XPNPEP1: variants seen among roughly 807,000 people sequenced by gnomAD.
XPNPEP1 encodes the protein xaa-Pro aminopeptidase 1.
In XPNPEP1, 39 loss-of-function variants were observed where a neutral mutation model predicts 92.4. That is an observed-to-expected ratio of 0.42 (90% CI 0.33 to 0.55). The LOEUF is 0.55. Ranked by LOEUF, XPNPEP1 falls within the 20% of genes least tolerant of loss-of-function variation. The pLI is 0.08. For synonymous variants in XPNPEP1, 307 were observed against 299.4 expected (o/e 1.03, Z -0.26); for missense variants, 654 against 856.1 (o/e 0.76, Z 2.95).
At chr10:109,899,966 AG>A (rs1317290551) in intron 3 of XPNPEP1, among the ~76,000 whole-genome samples, 4 of 152,244 alleles carry the variant, frequency 2.6e-5, no homozygotes, top group Non-Finnish European at 5.9e-5. Context: ...AGATTACCAG[AG>A]AGAACAGACG....
intron 1 of XPNPEP1, among the ~76,000 whole-genome samples, chr10:109,919,828 T>C (rs1434703214): frequency 1.3e-5 from 2 of 152,242 alleles, no homozygotes; most frequent in African/African-American, 2.4e-5. Context: ...GGTCAAGAGA[T>C]AGAGACCATC....
intron 3 of XPNPEP1, among the ~76,000 whole-genome samples, chr10:109,903,928 T>G (rs555974605): frequency 8.0e-5 from 12 of 149,642 alleles, no homozygotes; most frequent in Admixed American, 7.4e-4. Flanking sequence ...CACTGCAACC[T>G]CCACCTCCTG....
chr10:109,906,210 A>C (rs1260455671), intron 3 of XPNPEP1, among the ~76,000 whole-genome samples: 4 of 152,184 alleles, frequency 2.6e-5, no homozygotes, highest in Non-Finnish European at 1.5e-5. Context: ...ACAGACACGC[A>C]CACGTGCACA....
intron 3 of XPNPEP1, among the ~76,000 whole-genome samples, chr10:109,901,845 C>T (rs1397041018): frequency 2.0e-5 from 3 of 152,038 alleles, no homozygotes; most frequent in African/African-American, 4.8e-5. Flanking sequence ...ATTCAAATTG[C>T]GAAGTTTTGT....
At chr10:109,885,738 G>A (rs1038992007) in intron 8 of XPNPEP1, among the ~76,000 whole-genome samples, 2 of 152,320 alleles carry the variant, frequency 1.3e-5, no homozygotes, top group Non-Finnish European at 2.9e-5. Context: ...AGAAGGTGCT[G>A]AACAACTGCA....
intron 4 of XPNPEP1, among the ~76,000 whole-genome samples, chr10:109,892,287 A>T (rs1296687521): frequency 1.3e-5 from 2 of 152,184 alleles, no homozygotes; most frequent in African/African-American, 4.8e-5. Context: ...TGCTGTGGTC[A>T]CTAGCAGGAA....
Position 109,877,884 on chromosome 10 carries a change from G to A in XPNPEP1, c.1242-17C>T, listed in dbSNP as rs1275044379. ...GCCTGTTGCCTGTAACAGAAAGACA[G>A]AAAGCAGAGTGGCTTAAAGGTTTTT... On this transcript the variant is annotated splice_polypyrimidine_tract_variant and intron_variant, in intron 13 of 20. Coordinates refer to ENST00000502935, the MANE Select transcript of XPNPEP1 (RefSeq NM_020383.4). The A allele has an allele frequency of 6.2e-7, 1 of 1,614,262 alleles. No homozygotes were observed. The highest frequency in any genetic ancestry group is 8.5e-7 in the Non-Finnish European group (1 of 1,180,052).
chr10:109,895,221 C>A (rs778752772), intron 3 of XPNPEP1, among the ~76,000 whole-genome samples: 2 of 152,214 alleles, frequency 1.3e-5, no homozygotes, highest in African/African-American at 4.8e-5. Flanking sequence ...AGGCTTGGGG[C>A]TCTTCCACCC....
chr10:109,880,981 C>A, intron 10 of XPNPEP1, 50 bp from the exon 11 acceptor site: 1 of 1,555,298 alleles, frequency 6.4e-7, no homozygotes, highest in South Asian at 1.1e-5. Context: ...TCCACCCACC[C>A]AAGACCAAGG....
chr10:109,871,547 C>A (rs1305827248), intron 17 of XPNPEP1, among the ~76,000 whole-genome samples: 1 of 152,146 alleles, frequency 6.6e-6, no homozygotes, highest in Non-Finnish European at 1.5e-5. Flanking sequence ...ATGTGTCATC[C>A]AATACCATAA....
chr10:109,913,822 T>C (rs894488969), intron 2 of XPNPEP1, among the ~76,000 whole-genome samples: 1 of 152,192 alleles, frequency 6.6e-6, no homozygotes, highest in Non-Finnish European at 1.5e-5. Context: ...CTAACCTCTA[T>C]TTCCTCATAC....
rs1242312269 is a variant in XPNPEP1 at position 109,923,228 on chromosome 10, T to C, written c.32+174A>G. Reference sequence around the variant, plus strand: ...ACGAACCGGATCTCGCCCGGCCTCATGGACCCCTTCCCCCGGCTCCTGTTC... The same window carrying C: ...ACGAACCGGATCTCGCCCGGCCTCACGGACCCCTTCCCCCGGCTCCTGTTC... On this transcript the variant is annotated intron_variant, in intron 1 of 20. Transcript: ENST00000502935. The C allele has an allele frequency of 6.1e-6, 6 of 985,150 alleles. No homozygotes were observed. In the African/African-American group the frequency reaches 8.7e-5, roughly 14 times the overall value. 61.0% of individuals were successfully genotyped at this position (985,150 alleles called of 1,614,324 possible).
rs1301962332 is a variant in XPNPEP1, at chr10:109,880,765, A to G, written c.1131+77T>C. On this transcript the variant is annotated intron_variant, in intron 11 of 20. Transcript: ENST00000502935. ...AGATTCTAACCTTGTGCCAGGCTCA[A>G]TGCCACAGAGGAGGTGAAGGAGCCG... is the stretch of plus-strand genomic sequence containing the variant. 1.6e-5 allele frequency: 23 copies of G among 1,425,536 alleles called. No homozygotes were observed. The Admixed American group carries it at 3.9e-4, about 24-fold the overall frequency. 88.3% of individuals were successfully genotyped at this position (1,425,536 alleles called of 1,614,324 possible). A position where few individuals can be genotyped will look rare whatever the true frequency, so the allele number is the denominator to read the frequency against.
At chr10:109,876,823 G>A (rs892124645) in intron 14 of XPNPEP1, 2 of 152,414 alleles carry the variant, frequency 1.3e-5, no homozygotes, top group African/African-American at 4.8e-5. Flanking sequence ...AGGCAGAGCT[G>A]AGGCTGAAGC....
intron 20 of XPNPEP1, 132 bp downstream of exon 20, chr10:109,868,482 G>C: frequency 1.2e-6 from 1 of 827,552 alleles, no homozygotes; most frequent in Non-Finnish European, 1.9e-6. Context: ...AACTGGCCTA[G>C]ACCTCTAAAT....
intron 9 of XPNPEP1, chr10:109,883,681 T>C (rs572788632): frequency 5.8e-6 from 1 of 172,502 alleles, no homozygotes; most frequent in South Asian, 1.8e-4. Flanking sequence ...AAACTGACAA[T>C]TCAACAAAGC....
chr10:109,874,451 A>G (rs1288321540), intron 15 of XPNPEP1, among the ~76,000 whole-genome samples: 2 of 152,248 alleles, frequency 1.3e-5, no homozygotes, highest in Non-Finnish European at 2.9e-5. Context: ...CATAGAAAGG[A>G]TAACTTCTAG....
intron 1 of XPNPEP1, among the ~76,000 whole-genome samples, chr10:109,919,033 T>C (rs113248309): frequency 2.4e-4 from 36 of 152,256 alleles, no homozygotes; most frequent in Middle Eastern, 3.4e-3. Flanking sequence ...GGCGCTAAAC[T>C]GTAAAACTCT....
intron 12 of XPNPEP1, among the ~76,000 whole-genome samples, chr10:109,879,086 C>T (rs1847941565): frequency 1.3e-5 from 2 of 149,834 alleles, no homozygotes; most frequent in African/African-American, 2.5e-5. Flanking sequence ...ACTAAAAATA[C>T]AAAAAATTAG....
Sources: gnomAD v4.1 joint callset for allele counts (sites outside exome capture counted in the v4.1 genomes callset) on GRCh38, gnomAD v4.1.1 for gene constraint, MANE v1.5 for transcripts, NCBI Gene and HGNC (gene_info 2026-07-23, HGNC 2026-07-21) for gene names.